NDC80: variants seen among roughly 807,000 people sequenced by gnomAD.
NDC80 encodes the protein NDC80 kinetochore complex component.
NDC80 carries 69 observed loss-of-function variants against 89.3 expected under a neutral mutation model. The ratio of observed to expected loss-of-function variants is 0.77; its 90% CI spans 0.64 to 0.94. NDC80 has a LOEUF of 0.94. Ranked by LOEUF, NDC80 falls within the 40% of genes least tolerant of loss-of-function variation. The pLI is 0.00. For missense variants in NDC80, 593 were observed against 739.6 expected, an observed-to-expected ratio of 0.80 and a Z score of 2.30; for synonymous variants, 243 against 255.6, an observed-to-expected ratio of 0.95 and a Z score of 0.47.
rs760739853 is a variant in NDC80, at chr18:2,590,181, A to G, written c.1015+19A>G. 1.9e-6 allele frequency: 3 copies of G among 1,553,688 alleles called. No homozygotes were observed. The highest frequency in any genetic ancestry group is 2.8e-5 in the African/African-American group (2 of 72,144). ...AGAGTAGGTAAGCAGAGCTAATGCT[A>G]AAAGACTGGGATGCGAACCTGTGTG... On this transcript the variant is annotated intron_variant, in intron 10 of 16. Transcript: ENST00000261597.
At chr18:2,578,810 A>G (rs2072561552) in intron 5 of NDC80, 117 bp from the exon 6 acceptor site, 1 of 481,302 alleles carries the variant, frequency 2.1e-6, no homozygotes, top group Non-Finnish European at 3.5e-6. Context: ...TTACCTCTAA[A>G]CAAGTCAAGA....
At chr18:2,579,809 A>G (rs2143634593) in intron 6 of NDC80, among the ~76,000 whole-genome samples, 1 of 152,166 alleles carries the variant, frequency 6.6e-6, no homozygotes, top group South Asian at 2.1e-4. Context: ...ATACCGACAA[A>G]TTTTTCTCTA....
chr18:2,583,239 G>A (rs1048892566), intron 6 of NDC80, among the ~76,000 whole-genome samples: 2 of 152,136 alleles, frequency 1.3e-5, no homozygotes, highest in East Asian at 1.9e-4. Flanking sequence ...TATAGCTCTT[G>A]GGGATCTGTA....
chr18:2,579,563 G>A (rs1252081127), intron 6 of NDC80, among the ~76,000 whole-genome samples: 1 of 152,064 alleles, frequency 6.6e-6, no homozygotes, highest in Non-Finnish European at 1.5e-5. Flanking sequence ...GAGTAGCTGG[G>A]ATTACAGGCA....
At chr18:2,585,999 C>T (rs77687877) in intron 7 of NDC80, among the ~76,000 whole-genome samples, 1,576 of 152,188 alleles carry the variant, frequency 0.01, 37 homozygotes, top group African/African-American at 0.035. Flanking sequence ...AGCCCAGAGT[C>T]GCCACTTCCA....
At chr18:2,598,601 A>G (rs911443331) in intron 11 of NDC80, among the ~76,000 whole-genome samples, 14 of 152,234 alleles carry the variant, frequency 9.2e-5, no homozygotes, top group African/African-American at 1.4e-4. Context: ...ACATTTTCAG[A>G]CATAAATGAT....
intron 15 of NDC80, among the ~76,000 whole-genome samples, chr18:2,609,455 C>G (rs148245491): frequency 3.3e-5 from 5 of 152,106 alleles, no homozygotes; most frequent in Admixed American, 3.3e-4. Context: ...TTGAGAAGTT[C>G]AAGAAGTTCA....
At chr18:2,614,677 A>C (rs1384108540) in intron 16 of NDC80, among the ~76,000 whole-genome samples, 2 of 151,366 alleles carry the variant, frequency 1.3e-5, no homozygotes, top group African/African-American at 4.8e-5. Flanking sequence ...AATCCGAAAA[A>C]CCAACTTTCA....
intron 6 of NDC80, among the ~76,000 whole-genome samples, chr18:2,583,755 A>G (rs2072590220): frequency 6.6e-6 from 1 of 151,842 alleles, no homozygotes; most frequent in Non-Finnish European, 1.5e-5. Flanking sequence ...AAGACAAGGT[A>G]GAAGACCCAG....
rs2072739276 is a variant in NDC80 at position 2,610,781 on chromosome 18, A to G, written c.1711A>G (p.Thr571Ala). Reference protein sequence around the residue: ...QREYQLVVQTTTEERRKVGNN... With the variant: ...QREYQLVVQTATEERRKVGNN... ...CAGATACCAACTAGTTGTGCAAACC[A>G]CGACTGAAGAAAGACGAAAAGTGGG... The change falls in exon 16 of 17, where the codon ACG (threonine) becomes GCG (alanine). Residue 571 changes from threonine to alanine, a missense_variant. Physicochemically the swap from Thr to Ala is moderately conservative, Grantham distance 58 (BLOSUM62 0). Transcript: ENST00000261597. 1 of 1,592,562 alleles carries G rather than the reference A, an allele frequency of 6.3e-7. No individual in the cohort carries two copies. The highest frequency in any genetic ancestry group is 2.2e-5 in the East Asian group (1 of 44,482).
rs771183596 is a variant in NDC80 at position 2,607,998 on chromosome 18, T to TATATATATAA, written c.1558-701_1558-700insTATATATAAA. On this transcript the variant is annotated intron_variant, in intron 14 of 16. Transcript: ENST00000261597. ...ATATATATATATATATATATATATA[T>TATATATATAA]AACTTATTTAGCTAGCCCCTTATTA... Among the ~76,000 whole-genome samples the TATATATATAA allele has an allele frequency of 9.8e-4, 124 of 126,882 alleles. 2 individuals carry two copies. Among genetic ancestry groups the TATATATATAA allele is most frequent in the East Asian group, 6.8e-3 (28 of 4,092 alleles). 83.2% of individuals were successfully genotyped at this position (126,882 alleles called of 152,430 possible).
chr18:2,597,482 G>A (rs2072662912), intron 11 of NDC80, among the ~76,000 whole-genome samples: 1 of 152,198 alleles, frequency 6.6e-6, no homozygotes, highest in Non-Finnish European at 1.5e-5. Context: ...TGTAATCCCA[G>A]CACTTTGGGA....
Position 2,587,863 on chromosome 18 carries a change from A to T in NDC80, c.703A>T (p.Ser235Cys). 1 of 1,613,694 alleles carries T rather than the reference A, an allele frequency of 6.2e-7. No homozygotes were observed. The highest frequency in any genetic ancestry group is 8.5e-7 in the Non-Finnish European group (1 of 1,179,648). ...FLDYTIKCYE[S>C]FMSGADSFDE... ...GGACTACACCATAAAATGCTATGAG[A>T]GTTTTATGAGTGGTGCCGACAGCTT... Residue 235 changes from serine to cysteine, a missense_variant, in exon 8 of 17, where the codon AGT becomes TGT. By Grantham distance (112) the Ser-to-Cys change is moderately radical. Coordinates refer to ENST00000261597, the MANE Select transcript of NDC80 (RefSeq NM_006101.3).
In NDC80 at chr18:2,578,017, CAAGCTCCCTCTGTT is replaced by C; in HGVS notation, c.355_368del (p.Ala119ArgfsTer21). ...ACATAATGTGTCCATGAAATCTCTA[CAAGCTCCCTCTGTT>C]AAAGACTTCCTGAAGATCTTCACAT... On this transcript the variant is annotated frameshift_variant, in exon 5 of 17. Transcript: ENST00000261597. LOFTEE classifies it high-confidence loss of function. The C allele has an allele frequency of 1.2e-6, 2 of 1,614,084 alleles. No homozygotes were observed. Among genetic ancestry groups the C allele is most frequent in the Non-Finnish European group, 1.7e-6 (2 of 1,179,980 alleles).
At chr18:2,608,652 C>T (rs2072727398) in intron 14 of NDC80, 48 bp from the exon 15 acceptor site, 7 of 1,563,724 alleles carry the variant, frequency 4.5e-6, no homozygotes, top group Non-Finnish European at 5.2e-6. Context: ...CTAGAGTATA[C>T]AGAATGTGAA....
At chr18:2,608,931 A>G in intron 15 of NDC80, 101 bp downstream of exon 15, 1 of 1,273,122 alleles carries the variant, frequency 7.9e-7, no homozygotes, top group Admixed American at 2.4e-5. Context: ...TTTATAGTAT[A>G]CAGCTATTTA....
chr18:2,615,817 A>G (rs182780974), intron 16 of NDC80, among the ~76,000 whole-genome samples: 2 of 152,322 alleles, frequency 1.3e-5, no homozygotes, highest in Non-Finnish European at 2.9e-5. Flanking sequence ...GTCATAGAAC[A>G]TTATATTTAA....
intron 11 of NDC80, among the ~76,000 whole-genome samples, chr18:2,597,304 T>C (rs1244947227): frequency 6.6e-6 from 1 of 152,218 alleles, no homozygotes; most frequent in African/African-American, 2.4e-5. Flanking sequence ...GTTTGGACTT[T>C]ATCCAGAAAG....
chr18:2,574,848 A>T (rs1159537385), intron 2 of NDC80, 141 bp from the exon 3 acceptor site: 4 of 617,810 alleles, frequency 6.5e-6, no homozygotes, highest in Middle Eastern at 4.4e-4. Context: ...AACAGCTTTC[A>T]TGACTGCTAA....
Sources: gnomAD v4.1 joint callset for allele counts (sites outside exome capture counted in the v4.1 genomes callset) on GRCh38, gnomAD v4.1.1 for gene constraint, MANE v1.5 for transcripts, NCBI Gene and HGNC (gene_info 2026-07-23, HGNC 2026-07-21) for gene names.